AGBL4: variants seen among roughly 807,000 people sequenced by gnomAD.
AGBL4 encodes the protein cytosolic carboxypeptidase 6.
Under a neutral mutation model 66.4 loss-of-function variants are expected in AGBL4, and 58 were observed. The ratio of observed to expected loss-of-function variants is 0.87; its 90% CI spans 0.71 to 1.09. The LOEUF is 1.09. Ranked by LOEUF, AGBL4 falls within the 50% of genes least tolerant of loss-of-function variation. The pLI, the probability that AGBL4 is intolerant of heterozygous loss-of-function variation, is 0.00. For synonymous variants in AGBL4, 234 were observed against 222.9 expected, an observed-to-expected ratio of 1.05 and a Z score of -0.44; for missense variants, 579 against 631.0, an observed-to-expected ratio of 0.92 and a Z score of 0.88.
At chr1:49,367,846 ATC>A (rs2148547123) in intron 3 of AGBL4, among the ~76,000 whole-genome samples, 1 of 152,354 alleles carries the variant, frequency 6.6e-6, no homozygotes, top group South Asian at 2.1e-4. Flanking sequence ...TGCAACCATC[ATC>A]TCTATCTAGT....
At chr1:49,192,703 A>T (rs1647145265) in intron 4 of AGBL4, among the ~76,000 whole-genome samples, 1 of 152,256 alleles carries the variant, frequency 6.6e-6, no homozygotes, top group Non-Finnish European at 1.5e-5. Context: ...AACTATGCTA[A>T]TATGAATAGT....
chr1:49,948,489 A>G (rs1384616911), intron 1 of AGBL4, among the ~76,000 whole-genome samples: 1 of 129,418 alleles, frequency 7.7e-6, no homozygotes, highest in Non-Finnish European at 1.6e-5. Flanking sequence ...AAATATAAAT[A>G]TATAAAAATA....
At chr1:49,614,808 A>T (rs559877434) in intron 3 of AGBL4, among the ~76,000 whole-genome samples, 1 of 152,266 alleles carries the variant, frequency 6.6e-6, no homozygotes, top group South Asian at 2.1e-4. Context: ...CCATCTTTGC[A>T]TACCTCTTTT....
rs34683698 is a variant in AGBL4 at position 49,617,289 on chromosome 1, A to G, written c.282+80024T>C. Among the ~76,000 whole-genome samples, 109 of 152,238 alleles carry G rather than the reference A, an allele frequency of 7.2e-4. No individual in the cohort carries two copies. In the Middle Eastern group the frequency reaches 0.01, roughly 14 times the overall value. ...ATGCTCTGCCCTCAGATAGCCCTGC[A>G]GGTGGTTCATCTTCAGATATTTGCA... On this transcript the variant is annotated intron_variant, in intron 3 of 13. Coordinates refer to ENST00000371839, the MANE Select transcript of AGBL4 (RefSeq NM_032785.4).
chr1:49,410,262 G>A (rs998515675), intron 3 of AGBL4, among the ~76,000 whole-genome samples: 6 of 152,118 alleles, frequency 3.9e-5, no homozygotes, highest in Non-Finnish European at 7.4e-5. Context: ...CTAGAAACCC[G>A]TATGCAGAAA....
At chr1:49,881,087 A>T (rs1647250790) in intron 1 of AGBL4, among the ~76,000 whole-genome samples, 1 of 151,992 alleles carries the variant, frequency 6.6e-6, no homozygotes, top group East Asian at 1.9e-4. Context: ...TGAACCTGGT[A>T]CCTCAGATGG....
At chr1:49,106,122 T>C (rs1645287647) in intron 4 of AGBL4, among the ~76,000 whole-genome samples, 2 of 152,200 alleles carry the variant, frequency 1.3e-5, no homozygotes, top group Non-Finnish European at 2.9e-5. Flanking sequence ...CGGACCCCAG[T>C]GCTGGCTGGT....
At chr1:49,964,035 C>A (rs1194653526) in intron 1 of AGBL4, among the ~76,000 whole-genome samples, 5 of 152,010 alleles carry the variant, frequency 3.3e-5, no homozygotes, top group Non-Finnish European at 7.4e-5. Flanking sequence ...AAAAGGCTAA[C>A]TTCAAGGGTC....
chr1:49,228,539 T>G (rs1403459692), intron 4 of AGBL4, among the ~76,000 whole-genome samples: 1 of 152,154 alleles, frequency 6.6e-6, no homozygotes, highest in Non-Finnish European at 1.5e-5. Context: ...TAAGAAACTT[T>G]CCAGGCAAAG....
At chr1:48,888,388 G>C (rs561391405) in intron 5 of AGBL4, among the ~76,000 whole-genome samples, 1 of 152,116 alleles carries the variant, frequency 6.6e-6, no homozygotes, top group Non-Finnish European at 1.5e-5. Flanking sequence ...CCTTCTGTCC[G>C]TTAGAGGAGT....
chr1:49,035,508 T>A (rs1664572478), intron 5 of AGBL4, among the ~76,000 whole-genome samples: 1 of 152,188 alleles, frequency 6.6e-6, no homozygotes, highest in Non-Finnish European at 1.5e-5. Context: ...GGTCTTGCAT[T>A]ACTTTTCTCC....
At chr1:49,109,840 C>A (rs1198597780) in intron 4 of AGBL4, among the ~76,000 whole-genome samples, 2 of 152,110 alleles carry the variant, frequency 1.3e-5, no homozygotes, top group Admixed American at 6.6e-5. Flanking sequence ...CAGATTTTAA[C>A]CCCAATACTA....
At chr1:49,027,671 G>A (rs928913233) in intron 5 of AGBL4, among the ~76,000 whole-genome samples, 13 of 151,974 alleles carry the variant, frequency 8.6e-5, no homozygotes, top group Non-Finnish European at 1.8e-4. Context: ...CTCTCACATA[G>A]CCCCCATCCC....
rs796877059 is a variant in AGBL4 at position 49,015,874 on chromosome 1, GA to G, written c.594+29709del. Among the ~76,000 whole-genome samples, 253 of 151,964 alleles carry G rather than the reference GA, an allele frequency of 1.7e-3. 4 individuals are homozygous for G. Among genetic ancestry groups the G allele is most frequent in the African/African-American group, 5.9e-3 (244 of 41,428 alleles). On this transcript the variant is annotated intron_variant, in intron 5 of 13. Coordinates refer to ENST00000371839, the MANE Select transcript of AGBL4 (RefSeq NM_032785.4). Reference sequence around the variant, plus strand: ...TTCAGTAAAATGGTCAATTTCAGCGGAAAAAAACCCCCAAAAACAAAAACAT... The same window carrying G: ...TTCAGTAAAATGGTCAATTTCAGCGGAAAAAACCCCCAAAAACAAAAACAT...
intron 6 of AGBL4, among the ~76,000 whole-genome samples, chr1:48,785,962 CA>C (rs1645398004): frequency 6.6e-6 from 1 of 151,358 alleles, no homozygotes; most frequent in Admixed American, 6.6e-5. Flanking sequence ...CCTGGTGGTT[CA>C]AAATGCCTGC....
At chr1:48,619,222 T>C (rs1284625663) in intron 9 of AGBL4, among the ~76,000 whole-genome samples, 1 of 152,208 alleles carries the variant, frequency 6.6e-6, no homozygotes, top group African/African-American at 2.4e-5. Context: ...TACTGATGTA[T>C]TAGGCGCTAT....
intron 5 of AGBL4, among the ~76,000 whole-genome samples, chr1:49,006,209 C>A (rs1037767479): frequency 3.3e-5 from 5 of 152,142 alleles, no homozygotes; most frequent in African/African-American, 9.7e-5. Context: ...CATTGCCTCA[C>A]TCGGGAAGCG....
intron 4 of AGBL4, among the ~76,000 whole-genome samples, chr1:49,237,515 TATATATATATATATA>T (rs1650864949): frequency 1.0e-4 from 14 of 136,664 alleles, no homozygotes; most frequent in African/African-American, 3.6e-4. Context: ...TATTACATTA[TATATATATATATATA>T]TATATATATA....
chr1:48,701,985 T>G (rs1557889118), intron 6 of AGBL4, among the ~76,000 whole-genome samples: 1 of 152,188 alleles, frequency 6.6e-6, no homozygotes, highest in Non-Finnish European at 1.5e-5. Flanking sequence ...ATCTTTCCAT[T>G]AAAAATTTCA....
Sources: allele counts gnomAD v4.1 joint callset (sites outside exome capture counted in the v4.1 genomes callset), GRCh38; gene constraint gnomAD v4.1.1; transcripts MANE v1.5; gene names NCBI Gene and HGNC (gene_info 2026-07-23, HGNC 2026-07-21).